RTN1: variants seen among roughly 807,000 people sequenced by gnomAD.
The protein encoded by RTN1 is reticulon-1.
A neutral mutation model predicts 65.5 loss-of-function variants in RTN1; 25 were observed. That is an observed-to-expected ratio of 0.38 (90% confidence interval 0.28 to 0.53). The LOEUF (loss-of-function observed/expected upper bound fraction) is 0.53. Among genes scored for constraint, RTN1 ranks in the 20% least tolerant of loss-of-function variants. RTN1 has a pLI of 0.79. For missense variants in RTN1, 983 were observed against 1,025.4 expected, an observed-to-expected ratio of 0.96 and a Z score of 0.57; for synonymous variants, 471 against 447.6, an observed-to-expected ratio of 1.05 and a Z score of -0.66.
chr14:59,721,085 G>A (rs981059482), intron 3 of RTN1, among the ~76,000 whole-genome samples: 1 of 152,098 alleles, frequency 6.6e-6, no homozygotes, highest in African/African-American at 2.4e-5. Flanking sequence ...TAGGACAGAA[G>A]TAATATCTAG....
At chr14:59,784,626 TG>T (rs1338435823) in intron 1 of RTN1, among the ~76,000 whole-genome samples, 1 of 152,238 alleles carries the variant, frequency 6.6e-6, no homozygotes, top group Non-Finnish European at 1.5e-5. Flanking sequence ...CAATATGTTT[TG>T]GTATAGCCTT....
chr14:59,710,882 C>T (rs1428280683), intron 3 of RTN1, among the ~76,000 whole-genome samples: 1 of 152,194 alleles, frequency 6.6e-6, no homozygotes, highest in African/African-American at 2.4e-5. Flanking sequence ...TTCCAAAGTG[C>T]CATTTCTTCT....
chr14:59,783,183 C>T (rs1055099855), intron 1 of RTN1, among the ~76,000 whole-genome samples: 1 of 152,160 alleles, frequency 6.6e-6, no homozygotes, highest in African/African-American at 2.4e-5. Context: ...GTGCTACACC[C>T]CTCTATGCCT....
At chr14:59,618,009 C>CA (rs1882150564) in intron 3 of RTN1, among the ~76,000 whole-genome samples, 1 of 152,168 alleles carries the variant, frequency 6.6e-6, no homozygotes, top group African/African-American at 2.4e-5. Context: ...ACGGCCTTTG[C>CA]AAAATTATGA....
chr14:59,855,497 T>C (rs1157489539), intron 1 of RTN1, among the ~76,000 whole-genome samples: 1 of 152,158 alleles, frequency 6.6e-6, no homozygotes, highest in Non-Finnish European at 1.5e-5. Flanking sequence ...TTATTTCAAG[T>C]GTGTTTGTAA....
intron 3 of RTN1, among the ~76,000 whole-genome samples, chr14:59,635,551 G>A (rs1194832450): frequency 1.3e-5 from 2 of 152,180 alleles, no homozygotes; most frequent in East Asian, 1.9e-4. Context: ...AAGAGTAAAA[G>A]CATTCTACAG....
chr14:59,738,456 A>G (rs1037500121), intron 2 of RTN1, among the ~76,000 whole-genome samples: 11 of 152,234 alleles, frequency 7.2e-5, no homozygotes, highest in African/African-American at 2.4e-4. Flanking sequence ...AATGAGGTAC[A>G]ATCTTACAAA....
intron 1 of RTN1, among the ~76,000 whole-genome samples, chr14:59,762,242 T>A (rs7150949): frequency 0.37 from 56,621 of 151,858 alleles, 10,707 homozygotes; most frequent in Middle Eastern, 0.45. Context: ...GGGTTGGACA[T>A]CCCCATCAAA....
intron 3 of RTN1, among the ~76,000 whole-genome samples, chr14:59,689,070 T>C (rs1883903621): frequency 6.6e-6 from 1 of 151,974 alleles, no homozygotes; most frequent in African/African-American, 2.4e-5. Flanking sequence ...ACAATGAAAC[T>C]TCTTAAGCAA....
intron 3 of RTN1, among the ~76,000 whole-genome samples, chr14:59,654,920 A>G (rs930912097): frequency 2.0e-5 from 3 of 152,222 alleles, no homozygotes; most frequent in Non-Finnish European, 4.4e-5. Context: ...AAGATTGTCT[A>G]TTCTCACAAC....
At chr14:59,764,034 T>C (rs1298993528) in intron 1 of RTN1, among the ~76,000 whole-genome samples, 1 of 152,022 alleles carries the variant, frequency 6.6e-6, no homozygotes, top group Non-Finnish European at 1.5e-5. Flanking sequence ...AGGGAAATAG[T>C]AGGAAGCCAT....
At chr14:59,755,896 C>A (rs1275145516) in intron 1 of RTN1, among the ~76,000 whole-genome samples, 1 of 152,178 alleles carries the variant, frequency 6.6e-6, no homozygotes, top group Non-Finnish European at 1.5e-5. Context: ...ATATGAGTAA[C>A]TACTCTTTCC....
At chr14:59,765,087 C>T (rs1026578708) in intron 1 of RTN1, among the ~76,000 whole-genome samples, 1 of 151,174 alleles carries the variant, frequency 6.6e-6, no homozygotes, top group Non-Finnish European at 1.5e-5. Context: ...AAAATTGCCT[C>T]GTAAAATGCT....
chr14:59,703,853 A>T (rs1181356545), intron 3 of RTN1, among the ~76,000 whole-genome samples: 1 of 152,206 alleles, frequency 6.6e-6, no homozygotes, highest in Non-Finnish European at 1.5e-5. Context: ...TATGACCATT[A>T]TTTAAAATGG....
intron 2 of RTN1, among the ~76,000 whole-genome samples, chr14:59,745,117 A>G (rs770370094): frequency 1.3e-5 from 2 of 152,192 alleles, no homozygotes; most frequent in Admixed American, 6.5e-5. Flanking sequence ...ACTTGAGCAT[A>G]GCATGTTAGC....
At chr14:59,855,326 G>A (rs1887585666) in intron 1 of RTN1, among the ~76,000 whole-genome samples, 1 of 152,076 alleles carries the variant, frequency 6.6e-6, no homozygotes, top group Admixed American at 6.6e-5. Context: ...TCACTCTGCT[G>A]TCGAGCCCAC....
intron 1 of RTN1, among the ~76,000 whole-genome samples, chr14:59,866,848 C>T (rs1316199088): frequency 6.6e-6 from 1 of 152,074 alleles, no homozygotes; most frequent in Non-Finnish European, 1.5e-5. Context: ...CAAACACATC[C>T]AAAAGTGAAG....
At chr14:59,731,024 G>C (rs539741455) in intron 2 of RTN1, among the ~76,000 whole-genome samples, 1 of 152,154 alleles carries the variant, frequency 6.6e-6, no homozygotes, top group South Asian at 2.1e-4. Context: ...AGAAATGAAA[G>C]TATATGTCCA....
chr14:59,702,476 G>A (rs930034217), intron 3 of RTN1, among the ~76,000 whole-genome samples: 50 of 152,184 alleles, frequency 3.3e-4, no homozygotes, highest in African/African-American at 1.2e-3. Flanking sequence ...CCATTCCCTT[G>A]TGATTTCATT....
Sources: allele counts gnomAD v4.1 joint callset (sites outside exome capture counted in the v4.1 genomes callset), GRCh38; gene constraint gnomAD v4.1.1; transcripts MANE v1.5; gene names NCBI Gene and HGNC (gene_info 2026-07-23, HGNC 2026-07-21).